The following TPO variants were observed in gnomAD, a reference collection of about 807,000 sequenced individuals.
TPO encodes the protein thyroid microsomal antigen.
Under a neutral mutation model 96.9 loss-of-function variants are expected in TPO, and 78 were observed. The observed-to-expected ratio is 0.81, with a 90% CI of 0.67 to 0.97. The LOEUF is 0.97. Ranked by LOEUF, TPO falls within the 50% of genes least tolerant of loss-of-function variation. The pLI, the probability that TPO is intolerant of heterozygous loss-of-function variation, is 0.00. For missense variants in TPO, 1,252 were observed against 1,274.8 expected (o/e 0.98, Z 0.27); for synonymous variants, 547 against 538.0 (o/e 1.02, Z -0.23).
chr2:1,526,029 C>T (rs1676398575), intron 15 of TPO, among the ~76,000 whole-genome samples: 2 of 140,998 alleles, frequency 1.4e-5, no homozygotes, highest in Non-Finnish European at 1.5e-5. Flanking sequence ...CCCAAATCCG[C>T]CCACTGTGTG....
intron 2 of TPO, among the ~76,000 whole-genome samples, chr2:1,416,714 A>G (rs1662999876): frequency 2.0e-5 from 3 of 152,224 alleles, no homozygotes; most frequent in Admixed American, 2.0e-4. Context: ...AAAAAATATT[A>G]TGTGTCTCAC....
intron 10 of TPO, among the ~76,000 whole-genome samples, chr2:1,489,615 C>T (rs1052448624): frequency 2.0e-5 from 3 of 151,992 alleles, no homozygotes; most frequent in Non-Finnish European, 2.9e-5. Flanking sequence ...CCAGAACCGT[C>T]GACTGGCACA....
At chr2:1,402,114 C>T (rs1662181675) in intron 1 of TPO, among the ~76,000 whole-genome samples, 1 of 152,216 alleles carries the variant, frequency 6.6e-6, no homozygotes, top group South Asian at 2.1e-4. Context: ...GCCACATCTC[C>T]ATCCTGTGGA....
chr2:1,409,836 C>A (rs1225611589), upstream of TPO, among the ~76,000 whole-genome samples: 1 of 151,876 alleles, frequency 6.6e-6, no homozygotes, highest in African/African-American at 2.4e-5. Flanking sequence ...ACACACAAGC[C>A]AGGCACCAAA....
intron 7 of TPO, among the ~76,000 whole-genome samples, chr2:1,459,179 T>C (rs1032034016): frequency 8.0e-5 from 12 of 149,494 alleles, no homozygotes; most frequent in Non-Finnish European, 1.5e-4. Flanking sequence ...TAAGACAGGG[T>C]CTCACCCAGT....
chr2:1,484,703 C>G lies in TPO; in HGVS notation c.1446C>G (p.Ser482=). 1 of 1,614,170 alleles carries G rather than the reference C, an allele frequency of 6.2e-7. No homozygotes were observed. The highest frequency in any genetic ancestry group is 8.5e-7 in the Non-Finnish European group (1 of 1,180,040). ...GYDSTANPTV[S]NVFSTAAFRF... Reference sequence around the variant, plus strand: ...ACTCCACCGCCAACCCCACTGTGTCCAACGTGTTCTCCACAGCCGCCTTCC... The same window carrying G: ...ACTCCACCGCCAACCCCACTGTGTCGAACGTGTTCTCCACAGCCGCCTTCC... Residue 482 remains serine (S), a synonymous_variant, in exon 9 of 17, where the codon TCC becomes TCG. Coordinates refer to ENST00000329066, the MANE Select transcript of TPO (RefSeq NM_001206744.2).
intron 15 of TPO, among the ~76,000 whole-genome samples, chr2:1,529,056 G>T (rs1401988775): frequency 9.4e-6 from 1 of 106,536 alleles, no homozygotes; most frequent in Non-Finnish European, 1.8e-5. Context: ...AATCTCCCCA[G>T]TGTGTGCAAC....
chr2:1,448,650 A>C (rs1018246553), intron 5 of TPO, among the ~76,000 whole-genome samples: 1 of 152,212 alleles, frequency 6.6e-6, no homozygotes, highest in African/African-American at 2.4e-5. Flanking sequence ...TGTCATAAAC[A>C]GCCCAGTGTG....
intron 8 of TPO, 94 bp downstream of exon 8, chr2:1,477,698 G>C (rs1670116472): frequency 7.2e-7 from 1 of 1,389,372 alleles, no homozygotes; most frequent in Non-Finnish European, 9.3e-7. Context: ...TCTCTCCCAG[G>C]TACTTGCACA....
intron 10 of TPO, among the ~76,000 whole-genome samples, chr2:1,489,177 C>T (rs1361010741): frequency 5.4e-5 from 8 of 149,374 alleles, no homozygotes; most frequent in South Asian, 4.3e-4. Context: ...CACCTGCACA[C>T]GCCTGCACAT....
At chr2:1,469,883 A>C (rs1669233070) in intron 7 of TPO, among the ~76,000 whole-genome samples, 2 of 151,982 alleles carry the variant, frequency 1.3e-5, no homozygotes, top group Non-Finnish European at 2.9e-5. Flanking sequence ...GGCTTTCCTA[A>C]TGTATTCCTG....
At chr2:1,507,949 C>A (rs926787783) in intron 14 of TPO, among the ~76,000 whole-genome samples, 1 of 152,148 alleles carries the variant, frequency 6.6e-6, no homozygotes, top group African/African-American at 2.4e-5. Context: ...GAGAAGGCAT[C>A]CCTGTTTTGT....
chr2:1,414,538 T>A lies in TPO; in HGVS notation c.94+36T>A, dbSNP rs778331098. The A allele has an allele frequency of 1.9e-5, 31 of 1,596,506 alleles. No individual in the cohort carries two copies. The South Asian group carries it at 3.5e-4, about 18-fold the overall frequency. On this transcript the variant is annotated intron_variant, in intron 2 of 16. Transcript: ENST00000329066. The stretch of plus-strand genomic sequence containing the variant: ...AACACATTGCGGTCTTCTGGCCTTA[T>A]AAAGTTATTTTTCACACTTACTAAA...
upstream of TPO, among the ~76,000 whole-genome samples, chr2:1,411,080 T>G (rs559493708): frequency 7.2e-5 from 11 of 152,130 alleles, no homozygotes; most frequent in Non-Finnish European, 1.3e-4. Context: ...GTCCCCCGTC[T>G]TCTTTCTCAA....
intron 1 of TPO, among the ~76,000 whole-genome samples, chr2:1,403,479 T>C (rs943031562): frequency 6.6e-6 from 1 of 152,184 alleles, no homozygotes; most frequent in African/African-American, 2.4e-5. Context: ...TCCTCAGCAG[T>C]GGTACCTCCA....
intron 13 of TPO, among the ~76,000 whole-genome samples, chr2:1,499,101 C>G (rs1298782338): frequency 6.6e-6 from 1 of 152,156 alleles, no homozygotes; most frequent in African/African-American, 2.4e-5. Flanking sequence ...GTGCTACTCA[C>G]AGGCATCTTC....
In TPO at chr2:1,543,384, G is replaced by GTAAC. The variant is rs2125366736; in HGVS notation, c.*914_*917dup. The stretch of plus-strand genomic sequence containing the variant: ...CTACCTGCACTAAGAGAAGAGAGTG[G>GTAAC]TAACTAATTCATGGATAAAACAGAC... On this transcript the variant is annotated 3_prime_UTR_variant, in exon 17 of 17. Coordinates refer to ENST00000329066, the MANE Select transcript of TPO (RefSeq NM_001206744.2). 1 of 152,300 alleles carries GTAAC rather than the reference G, an allele frequency of 6.6e-6. No individual in the cohort carries two copies. The highest frequency in any genetic ancestry group is 2.4e-5 in the African/African-American group (1 of 41,540). The allele number at this position is 152,300 out of a possible 1,614,324, so 9.4% of individuals were successfully genotyped here. A position where few individuals can be genotyped will look rare whatever the true frequency, so the allele number is the denominator to read the frequency against.
At chr2:1,508,754 C>G (rs1389651255) in intron 14 of TPO, among the ~76,000 whole-genome samples, 7 of 151,948 alleles carry the variant, frequency 4.6e-5, no homozygotes, top group African/African-American at 1.7e-4. Flanking sequence ...TTTTTTGTTG[C>G]GTCTATTTGA....
intron 8 of TPO, among the ~76,000 whole-genome samples, chr2:1,483,149 G>A (rs938754205): frequency 1.3e-5 from 2 of 152,190 alleles, no homozygotes; most frequent in African/African-American, 4.8e-5. Flanking sequence ...CAGAGCTCTG[G>A]CAAGATCAGA....
Sources: allele counts gnomAD v4.1 joint callset (sites outside exome capture counted in the v4.1 genomes callset), GRCh38; gene constraint gnomAD v4.1.1; transcripts MANE v1.5; gene names NCBI Gene and HGNC (gene_info 2026-07-23, HGNC 2026-07-21).